LRP1B: variants seen among roughly 807,000 people sequenced by gnomAD.
LRP1B encodes LDL receptor related protein 1B.
LRP1B carries 217 observed loss-of-function variants against 556.6 expected under a neutral mutation model. The ratio of observed to expected loss-of-function variants is 0.39; its 90% CI spans 0.35 to 0.44. The LOEUF (loss-of-function observed/expected upper bound fraction) is 0.44, where lower values mean the gene tolerates loss of function less well. Ranked by LOEUF, LRP1B falls within the 20% of genes least tolerant of loss-of-function variation. The pLI, the probability that LRP1B is intolerant of heterozygous loss-of-function variation, is 1.00. For missense variants in LRP1B, 5,053 were observed against 5,620.8 expected, an observed-to-expected ratio of 0.90 and a Z score of 3.23; for synonymous variants, 2,047 against 1,865.8, an observed-to-expected ratio of 1.10 and a Z score of -2.50.
chr2:141,399,894 G>C (rs1300987564), intron 3 of LRP1B, among the ~76,000 whole-genome samples: 1 of 152,156 alleles, frequency 6.6e-6, no homozygotes, highest in Admixed American at 6.6e-5. Flanking sequence ...AAATAGTAAG[G>C]AGAAAGCTGT....
intron 2 of LRP1B, among the ~76,000 whole-genome samples, chr2:141,695,304 A>G (rs990067856): frequency 6.6e-6 from 1 of 152,022 alleles, no homozygotes; most frequent in Non-Finnish European, 1.5e-5. Context: ...ATATAAAAAC[A>G]TGAAAAGATA....
chr2:141,634,007 G>C (rs1055484023), intron 2 of LRP1B, among the ~76,000 whole-genome samples: 6 of 151,598 alleles, frequency 4.0e-5, no homozygotes, highest in African/African-American at 7.3e-5. Flanking sequence ...CACTATACGT[G>C]AGTAATTATT....
intron 6 of LRP1B, among the ~76,000 whole-genome samples, chr2:141,190,285 C>T (rs1368180234): frequency 6.6e-6 from 1 of 151,878 alleles, no homozygotes; most frequent in East Asian, 1.9e-4. Flanking sequence ...AATTGGCATC[C>T]CTTTTCTCCT....
intron 1 of LRP1B, among the ~76,000 whole-genome samples, chr2:141,951,840 T>A (rs1701114113): frequency 6.6e-6 from 1 of 152,158 alleles, no homozygotes; most frequent in Admixed American, 6.6e-5. Flanking sequence ...CAGAAGAATT[T>A]TTTTTTAATT....
intron 7 of LRP1B, among the ~76,000 whole-genome samples, chr2:141,075,636 G>C (rs1422302041): frequency 6.6e-6 from 1 of 152,100 alleles, no homozygotes; most frequent in Non-Finnish European, 1.5e-5. Flanking sequence ...ATACAGAGGT[G>C]GGTAACCTGA....
rs2105420374 is a variant in LRP1B at position 140,700,377 on chromosome 2, G to T, written c.6672C>A (p.Val2224=). Residue 2224 remains valine (V), a synonymous_variant, in exon 41 of 91, where the codon GTC becomes GTA. Coordinates refer to ENST00000389484, the MANE Select transcript of LRP1B (RefSeq NM_018557.3). ...GATTATAGTCAAAAGCCAAGGCTATGACATTCTTGAAATAACGTGGATTCT... is the reference window on the plus strand; with the variant it reads ...GATTATAGTCAAAAGCCAAGGCTATTACATTCTTGAAATAACGTGGATTCT... ...PYENPRYFKN[V]IALAFDYNQR... 6.2e-7 allele frequency: 1 copy of T among 1,613,364 alleles called. No individual in the cohort carries two copies. The highest frequency in any genetic ancestry group is 8.5e-7 in the Non-Finnish European group (1 of 1,179,612).
intron 7 of LRP1B, among the ~76,000 whole-genome samples, chr2:141,155,935 T>C (rs1394124241): frequency 6.6e-6 from 1 of 152,158 alleles, no homozygotes; most frequent in Admixed American, 6.6e-5. Context: ...CTTAAGATGA[T>C]GTCAGGATAA....
chr2:141,659,161 C>T (rs908874568), intron 2 of LRP1B, among the ~76,000 whole-genome samples: 1 of 152,140 alleles, frequency 6.6e-6, no homozygotes, highest in Admixed American at 6.6e-5. Flanking sequence ...ACCTCGGCCT[C>T]CCAAAGTGCT....
intron 5 of LRP1B, among the ~76,000 whole-genome samples, chr2:141,236,921 A>T (rs573555237): frequency 5.3e-5 from 8 of 152,198 alleles, no homozygotes; most frequent in Non-Finnish European, 1.2e-4. Flanking sequence ...TAGATTCTAC[A>T]TGTCACATAG....
At chr2:142,006,949 A>G (rs371778228) in intron 1 of LRP1B, among the ~76,000 whole-genome samples, 2 of 152,288 alleles carry the variant, frequency 1.3e-5, no homozygotes, top group East Asian at 3.9e-4. Context: ...AGAAATATTT[A>G]TTAAAGTTTA....
intron 25 of LRP1B, among the ~76,000 whole-genome samples, chr2:140,879,669 A>G (rs1347699593): frequency 6.6e-6 from 1 of 152,050 alleles, no homozygotes; most frequent in African/African-American, 2.4e-5. Flanking sequence ...TTCTCTTTAG[A>G]TGGTTAAAAT....
intron 41 of LRP1B, among the ~76,000 whole-genome samples, chr2:140,633,488 T>C (rs376035639): frequency 2.0e-5 from 3 of 151,956 alleles, no homozygotes; most frequent in Admixed American, 6.6e-5. Flanking sequence ...GCAGAAGTCA[T>C]TGAAATTAAA....
At chr2:141,208,385 T>A (rs1407367154) in intron 6 of LRP1B, 1 of 152,290 alleles carries the variant, frequency 6.6e-6, no homozygotes, top group East Asian at 1.9e-4. Flanking sequence ...TGCCAACGAC[T>A]ATCGCCATCT....
At chr2:141,351,670 G>T (rs2683825) in intron 3 of LRP1B, among the ~76,000 whole-genome samples, 87,141 of 151,682 alleles carry the variant, frequency 0.57, 25,777 homozygotes, top group Non-Finnish European at 0.62. Flanking sequence ...TTTTTAGCAT[G>T]GAGCTCCAAC....
At chr2:141,184,805 T>C (rs1190540276) in intron 7 of LRP1B, among the ~76,000 whole-genome samples, 1 of 151,894 alleles carries the variant, frequency 6.6e-6, no homozygotes, top group African/African-American at 2.4e-5. Context: ...AGGTACCCTA[T>C]ACTTTTCTCC....
intron 7 of LRP1B, among the ~76,000 whole-genome samples, chr2:141,068,085 G>A (rs899835893): frequency 2.0e-5 from 3 of 151,946 alleles, no homozygotes; most frequent in Admixed American, 6.6e-5. Flanking sequence ...ATACTTGGAA[G>A]CCCAAATGCC....
intron 1 of LRP1B, among the ~76,000 whole-genome samples, chr2:141,968,190 G>A (rs1199412658): frequency 6.6e-6 from 1 of 151,688 alleles, no homozygotes; most frequent in Non-Finnish European, 1.5e-5. Flanking sequence ...ATGTACAACC[G>A]TTTTGACTTG....
At chr2:141,335,598 G>A (rs531241310) in intron 3 of LRP1B, among the ~76,000 whole-genome samples, 3 of 152,170 alleles carry the variant, frequency 2.0e-5, no homozygotes, top group South Asian at 2.1e-4. Context: ...TATTCTTGGG[G>A]TCTTAAAATC....
At position 140,357,918 on chromosome 2, in the gene LRP1B, T is replaced by C. The variant is rs181180591; in HGVS notation, c.11395+61A>G. The C allele has an allele frequency of 9.6e-6, 15 of 1,561,910 alleles. No homozygotes were observed. The Admixed American group carries it at 1.0e-4, about 11-fold the overall frequency. Reference sequence around the variant, plus strand: ...ATTTCCATCCAGAACATTTTAGTCATGTACAAGCAGAAGTTAGACTTGTGT... The same window carrying C: ...ATTTCCATCCAGAACATTTTAGTCACGTACAAGCAGAAGTTAGACTTGTGT... On this transcript the variant is annotated intron_variant, in intron 74 of 90. Transcript: ENST00000389484.
Sources: allele counts gnomAD v4.1 joint callset (sites outside exome capture counted in the v4.1 genomes callset), GRCh38; gene constraint gnomAD v4.1.1; transcripts MANE v1.5; gene names NCBI Gene and HGNC (gene_info 2026-07-23, HGNC 2026-07-21).